The following ASTN2 variants were observed in gnomAD, a reference collection of about 807,000 sequenced individuals.
ASTN2 encodes the protein astrotactin 2, also known as astrotactin-2.
In ASTN2, 54 loss-of-function variants were observed where a neutral mutation model predicts 139.8. That is an observed-to-expected ratio of 0.39 (90% CI 0.31 to 0.48). ASTN2 has a LOEUF of 0.48. Among genes scored for constraint, ASTN2 ranks in the 20% least tolerant of loss-of-function variants. ASTN2 has a pLI of 0.95. For missense variants in ASTN2, 1,565 were observed against 1,725.1 expected (o/e 0.91, Z 1.64); for synonymous variants, 756 against 719.5 (o/e 1.05, Z -0.81).
chr9:117,169,456 A>G (rs1830741905), intron 3 of ASTN2, among the ~76,000 whole-genome samples: 1 of 152,148 alleles, frequency 6.6e-6, no homozygotes, highest in Non-Finnish European at 1.5e-5. Context: ...TCCTGCCACA[A>G]TTGCACAGCT....
chr9:116,440,221 C>A (rs1847800756), intron 22 of ASTN2, among the ~76,000 whole-genome samples: 1 of 152,154 alleles, frequency 6.6e-6, no homozygotes, highest in Non-Finnish European at 1.5e-5. Flanking sequence ...AAAACTCAGA[C>A]TTCTTATGGA....
intron 20 of ASTN2, among the ~76,000 whole-genome samples, chr9:116,455,057 T>C (rs1431014196): frequency 1.3e-5 from 2 of 151,162 alleles, no homozygotes; most frequent in Non-Finnish European, 1.5e-5. Flanking sequence ...AAAAAAGGTT[T>C]ATGGTAGGAG....
intron 1 of ASTN2, among the ~76,000 whole-genome samples, chr9:117,375,899 T>C (rs924413059): frequency 6.6e-6 from 1 of 152,110 alleles, no homozygotes; most frequent in African/African-American, 2.4e-5. Context: ...TTTCATTCCT[T>C]GTCTCCTGGC....
chr9:116,989,387 G>C lies in ASTN2; in HGVS notation c.1592-12602C>G, dbSNP rs144135619. Among the ~76,000 whole-genome samples, 98 of 152,224 alleles carry C rather than the reference G, an allele frequency of 6.4e-4. 1 individual carries two copies. Among genetic ancestry groups the C allele is most frequent in the East Asian group, 5.6e-3 (29 of 5,170 alleles). Reference sequence around the variant, plus strand: ...AGAAGCTGGATTGTGTGCTCTTTCTGAGGGGTTCCTTTCTCAGAGTGACCT... The same window carrying C: ...AGAAGCTGGATTGTGTGCTCTTTCTCAGGGGTTCCTTTCTCAGAGTGACCT... On this transcript the variant is annotated intron_variant, in intron 7 of 22. Coordinates refer to ENST00000313400, the MANE Select transcript of ASTN2 (RefSeq NM_001365068.1).
chr9:116,941,557 C>G (rs1296012039), intron 10 of ASTN2, among the ~76,000 whole-genome samples: 7 of 148,068 alleles, frequency 4.7e-5, no homozygotes, highest in Non-Finnish European at 7.4e-5. Flanking sequence ...CCCTACCCCC[C>G]ACATCATGGA....
intron 20 of ASTN2, among the ~76,000 whole-genome samples, chr9:116,446,272 T>TAGAGAGAGAGAGAGAGAGAGAGAGAG (rs3040241): frequency 1.7e-5 from 2 of 119,126 alleles, no homozygotes; most frequent in South Asian, 3.1e-4. Flanking sequence ...GAGAGAGAGA[T>TAGAGAGAGAGAGAGAGAGAGAGAGAG]AGAGAGAGAG....
chr9:117,383,459 C>G (rs754883822), intron 1 of ASTN2, among the ~76,000 whole-genome samples: 2 of 151,840 alleles, frequency 1.3e-5, no homozygotes, highest in Non-Finnish European at 2.9e-5. Context: ...GAAATGTGCA[C>G]TTGAGTGTTT....
chr9:116,727,199 C>T (rs532461718), intron 15 of ASTN2, among the ~76,000 whole-genome samples: 3 of 152,162 alleles, frequency 2.0e-5, no homozygotes, highest in East Asian at 3.9e-4. Flanking sequence ...ACCTTAAAGT[C>T]GGAAGCTCTA....
At chr9:116,952,578 C>G (rs1184708494) in intron 10 of ASTN2, among the ~76,000 whole-genome samples, 1 of 152,184 alleles carries the variant, frequency 6.6e-6, no homozygotes. Flanking sequence ...AGGCTTTTAT[C>G]TCTGGCAATG....
At chr9:116,892,622 C>T (rs1236478966) in intron 10 of ASTN2, among the ~76,000 whole-genome samples, 1 of 151,982 alleles carries the variant, frequency 6.6e-6, no homozygotes, top group Non-Finnish European at 1.5e-5. Flanking sequence ...TAATACATTG[C>T]TGCTGGAAGG....
chr9:116,905,928 A>T lies in ASTN2; in HGVS notation c.1890-42195T>A, dbSNP rs370094046. On this transcript the variant is annotated intron_variant, in intron 10 of 22. Transcript: ENST00000313400. ...AGGAGTCAGACATCCTCATTCAGAG[A>T]TGTGGAAAATGCTTTCTCTGTCTCT... 2.0e-4 allele frequency among the ~76,000 whole-genome samples: 30 copies of T among 150,544 alleles called. 1 individual carries two copies. Among genetic ancestry groups the T allele is most frequent in the African/African-American group, 6.6e-4 (27 of 40,778 alleles).
chr9:117,352,497 T>C (rs528660480), intron 1 of ASTN2, among the ~76,000 whole-genome samples: 26 of 152,246 alleles, frequency 1.7e-4, no homozygotes, highest in African/African-American at 6.0e-4. Flanking sequence ...GAATCCACAA[T>C]TGGCCAACAG....
chr9:116,454,701 A>C (rs936158896), intron 20 of ASTN2, among the ~76,000 whole-genome samples: 1 of 152,250 alleles, frequency 6.6e-6, no homozygotes, highest in African/African-American at 2.4e-5. Context: ...ATGGAATACT[A>C]TGCAGCCATA....
chr9:116,779,679 A>G (rs534335138), intron 13 of ASTN2, among the ~76,000 whole-genome samples: 1 of 152,088 alleles, frequency 6.6e-6, no homozygotes, highest in African/African-American at 2.4e-5. Context: ...TAGTATTGCT[A>G]ATTTCCCTTC....
At chr9:116,573,825 C>T (rs1296488502) in intron 19 of ASTN2, among the ~76,000 whole-genome samples, 1 of 152,172 alleles carries the variant, frequency 6.6e-6, no homozygotes, top group Non-Finnish European at 1.5e-5. Flanking sequence ...TCTCTATAAA[C>T]CATATACAAC....
chr9:116,691,878 T>G (rs1434507422), intron 16 of ASTN2, among the ~76,000 whole-genome samples: 1 of 152,178 alleles, frequency 6.6e-6, no homozygotes, highest in Non-Finnish European at 1.5e-5. Flanking sequence ...TAAAAGGAAA[T>G]GAGATAAACC....
At chr9:117,389,036 T>C (rs1830478330) in intron 1 of ASTN2, among the ~76,000 whole-genome samples, 2 of 152,324 alleles carry the variant, frequency 1.3e-5, no homozygotes, top group South Asian at 2.1e-4. Context: ...ACTCCAATAG[T>C]ATGCGTGTGC....
chr9:117,401,558 T>C (rs755615993), intron 1 of ASTN2, among the ~76,000 whole-genome samples: 21 of 152,176 alleles, frequency 1.4e-4, no homozygotes, highest in Non-Finnish European at 2.4e-4. Flanking sequence ...TGGCAAAATA[T>C]AATTTATTTT....
At chr9:116,541,429 C>A (rs560249882) in intron 19 of ASTN2, among the ~76,000 whole-genome samples, 1 of 152,182 alleles carries the variant, frequency 6.6e-6, no homozygotes, top group Non-Finnish European at 1.5e-5. Context: ...ATAATGAGAG[C>A]AGGCCCCAAC....
Sources: allele counts gnomAD v4.1 joint callset (sites outside exome capture counted in the v4.1 genomes callset), GRCh38; gene constraint gnomAD v4.1.1; transcripts MANE v1.5; gene names NCBI Gene and HGNC (gene_info 2026-07-23, HGNC 2026-07-21).